Variants in KIDINS220 observed in about 807,000 individuals in gnomAD.
KIDINS220 encodes the protein kinase D interacting substrate 220.
Under a neutral mutation model 157.6 loss-of-function variants are expected in KIDINS220, and 63 were observed. The ratio of observed to expected loss-of-function variants is 0.40; its 90% CI spans 0.33 to 0.49. The LOEUF (loss-of-function observed/expected upper bound fraction) is 0.49. Among genes scored for constraint, KIDINS220 ranks in the 20% least tolerant of loss-of-function variants. The probability of loss-of-function intolerance (pLI) is 0.66; values close to 1 mark genes in which losing one functional copy is unlikely to be tolerated. For synonymous variants in KIDINS220, 732 were observed against 783.6 expected (o/e 0.93, Z 1.10); for missense variants, 1,772 against 2,171.2 (o/e 0.82, Z 3.65).
rs1663937074 is a variant in KIDINS220, at chr2:8,730,788, G to C, written c.5248C>G (p.Pro1750Ala). Residue 1750 changes from proline (P) to alanine (A), a missense_variant, in exon 30 of 30, where the codon CCG becomes GCG. This residue lies in a region of KIDINS220 where 793 missense variants were observed against 885.5 expected (regional missense o/e 0.90). Coordinates refer to ENST00000256707, the MANE Select transcript of KIDINS220 (RefSeq NM_020738.4). ...SSYTRLSKDP[P>A]ELHAAASSES... is the part of the protein sequence containing the mutation. Reference sequence around the variant, plus strand: ...GAAGAGGCTGCTGCATGGAGCTCCGGAGGATCTTTGGAGAGCCTTGTGTAA... The same window carrying C: ...GAAGAGGCTGCTGCATGGAGCTCCGCAGGATCTTTGGAGAGCCTTGTGTAA... 6.2e-7 allele frequency: 1 copy of C among 1,614,116 alleles called. No homozygotes were observed. Among genetic ancestry groups the C allele is most frequent in the African/African-American group, 1.3e-5 (1 of 74,930 alleles).
intron 22 of KIDINS220, among the ~76,000 whole-genome samples, chr2:8,766,943 CA>C (rs1262647691): frequency 6.6e-6 from 1 of 152,144 alleles, no homozygotes; most frequent in African/African-American, 2.4e-5. Flanking sequence ...CAGAAATGCA[CA>C]TTGAATGGTC....
chr2:8,726,293 G>A (rs1179710812), downstream of KIDINS220, among the ~76,000 whole-genome samples: 6 of 152,182 alleles, frequency 3.9e-5, no homozygotes, highest in Non-Finnish European at 2.9e-5. Context: ...GAAAGTCCTC[G>A]TCATGAAACA....
At chr2:8,776,704 C>T (rs1267693188) in intron 21 of KIDINS220, 44 bp downstream of exon 21, 1 of 1,558,282 alleles carries the variant, frequency 6.4e-7, no homozygotes, top group Non-Finnish European at 8.8e-7. Context: ...TTTGTGAATG[C>T]TAAAGCTTAT....
At chr2:8,798,932 C>CT (rs1043090151) in intron 9 of KIDINS220, among the ~76,000 whole-genome samples, 3 of 152,152 alleles carry the variant, frequency 2.0e-5, no homozygotes, top group African/African-American at 7.2e-5. Flanking sequence ...AGTAGGTGGC[C>CT]TAGAACCCAT....
intron 1 of KIDINS220, among the ~76,000 whole-genome samples, chr2:8,830,704 C>T (rs1679497552): frequency 6.6e-6 from 1 of 152,106 alleles, no homozygotes; most frequent in African/African-American, 2.4e-5. Context: ...CAGGTGTGAG[C>T]CACCGCACCT....
intron 20 of KIDINS220, among the ~76,000 whole-genome samples, chr2:8,777,141 C>T (rs145581611): frequency 6.6e-6 from 1 of 152,206 alleles, no homozygotes; most frequent in East Asian, 1.9e-4. Context: ...TACAGTGGTA[C>T]AGTTAGAGGA....
intron 6 of KIDINS220, among the ~76,000 whole-genome samples, chr2:8,808,062 C>T (rs756094490): frequency 7.3e-5 from 11 of 151,522 alleles, no homozygotes; most frequent in Non-Finnish European, 1.3e-4. Flanking sequence ...AGGTGGAGGT[C>T]GCAATGAGCC....
chr2:8,730,673 T>C lies in KIDINS220; in HGVS notation c.*47A>G. The C allele has an allele frequency of 6.4e-7, 1 of 1,561,484 alleles. No individual in the cohort carries two copies. The highest frequency in any genetic ancestry group is 8.6e-7 in the Non-Finnish European group (1 of 1,159,260). On this transcript the variant is annotated 3_prime_UTR_variant, in exon 30 of 30. Transcript: ENST00000256707. Reference sequence around the variant, plus strand: ...TGGATGGAGTCAAAATCCAGGACAATTCTGTCATAAAGGTACAGTAACACT... The same window carrying C: ...TGGATGGAGTCAAAATCCAGGACAACTCTGTCATAAAGGTACAGTAACACT...
At chr2:8,734,151 G>A (rs188336521) in intron 28 of KIDINS220, among the ~76,000 whole-genome samples, 1 of 151,892 alleles carries the variant, frequency 6.6e-6, no homozygotes, top group Non-Finnish European at 1.5e-5. Flanking sequence ...ACATTACTAA[G>A]GGGAGGCAGC....
At chr2:8,762,527 G>C (rs1668888038) in intron 22 of KIDINS220, among the ~76,000 whole-genome samples, 1 of 152,062 alleles carries the variant, frequency 6.6e-6, no homozygotes. Flanking sequence ...CACGAGGTCA[G>C]GAGATCGAGA....
chr2:8,822,469 T>TC (rs1002939459), intron 2 of KIDINS220, among the ~76,000 whole-genome samples: 4 of 151,688 alleles, frequency 2.6e-5, no homozygotes, highest in African/African-American at 9.7e-5. Flanking sequence ...ACAAAAAAAA[T>TC]TTTTTTTAAT....
chr2:8,810,090 C>G (rs1407176178), intron 6 of KIDINS220, among the ~76,000 whole-genome samples: 1 of 152,150 alleles, frequency 6.6e-6, no homozygotes, highest in Non-Finnish European at 1.5e-5. Flanking sequence ...CCCAGTTCGT[C>G]TCTGCTCCTC....
At chr2:8,801,678 G>A (rs949112250) in intron 8 of KIDINS220, among the ~76,000 whole-genome samples, 1 of 152,212 alleles carries the variant, frequency 6.6e-6, no homozygotes, top group Non-Finnish European at 1.5e-5. Flanking sequence ...GCCAAGGCAG[G>A]AGAAATCACT....
downstream of KIDINS220, chr2:8,722,298 G>A (rs1261827677): frequency 1.3e-5 from 2 of 152,242 alleles, no homozygotes; most frequent in African/African-American, 2.4e-5. Flanking sequence ...AAACTGGAAA[G>A]TGGTCAGCAG....
chr2:8,757,753 T>C, intron 22 of KIDINS220: 1 of 1,611,924 alleles, frequency 6.2e-7, no homozygotes, highest in Non-Finnish European at 8.5e-7. Context: ...GAAATGCCAA[T>C]TCGGTCTCGG....
intron 12 of KIDINS220, among the ~76,000 whole-genome samples, chr2:8,792,347 T>C (rs1673308556): frequency 6.6e-6 from 1 of 152,138 alleles, no homozygotes. Context: ...ATGCAGCACA[T>C]GGGATAGACC....
In KIDINS220 at chr2:8,747,193, G is replaced by GAT. The variant is rs1558334483; in HGVS notation, c.3535_3536dup (p.Lys1180SerfsTer29). ...AAAGCCCCTCAGCAGCATCCTCCTT[G>GAT]ATAACTTCCTAACAACACAAAACAG... On this transcript the variant is annotated frameshift_variant, in exon 26 of 30. Coordinates refer to ENST00000256707, the MANE Select transcript of KIDINS220 (RefSeq NM_020738.4). LOFTEE classifies it high-confidence loss of function. 1 of 1,614,060 alleles carries GAT rather than the reference G, an allele frequency of 6.2e-7. No homozygotes were observed. The highest frequency in any genetic ancestry group is 1.7e-5 in the Admixed American group (1 of 60,018).
chr2:8,814,670 A>C (rs1288276949), intron 4 of KIDINS220, among the ~76,000 whole-genome samples: 3 of 152,244 alleles, frequency 2.0e-5, no homozygotes, highest in Non-Finnish European at 4.4e-5. Flanking sequence ...AATAGGTGAA[A>C]GTTTTAGTCA....
chr2:8,837,079 G>A (rs2148475638), intron 1 of KIDINS220, among the ~76,000 whole-genome samples: 1 of 152,266 alleles, frequency 6.6e-6, no homozygotes, highest in Non-Finnish European at 1.5e-5. Context: ...GGAAGCCTAG[G>A]AGGAGGAACC....
Sources: allele counts gnomAD v4.1 joint callset (sites outside exome capture counted in the v4.1 genomes callset), GRCh38; gene constraint gnomAD v4.1.1; regional missense constraint gnomAD v4.1.1; transcripts MANE v1.5; gene names NCBI Gene and HGNC (gene_info 2026-07-23, HGNC 2026-07-21).